The following FRMD6 variants were observed in gnomAD, a reference collection of about 807,000 sequenced individuals.
The protein encoded by FRMD6 is FERM domain containing 6.
A neutral mutation model predicts 73.2 loss-of-function variants in FRMD6; 37 were observed. That is an observed-to-expected ratio of 0.51 (90% confidence interval 0.39 to 0.66). The LOEUF (loss-of-function observed/expected upper bound fraction) is 0.66, where lower values mean the gene tolerates loss of function less well. Ranked by LOEUF, FRMD6 falls within the 30% of genes least tolerant of loss-of-function variation. The pLI is 0.00. For synonymous variants in FRMD6, 273 were observed against 282.2 expected, an observed-to-expected ratio of 0.97 and a Z score of 0.33; for missense variants, 714 against 780.5, an observed-to-expected ratio of 0.91 and a Z score of 1.02.
At chr14:51,460,828 A>G in the FRMD6 span, among the ~76,000 whole-genome samples, 1 of 152,216 alleles carries the variant, frequency 6.6e-6, no homozygotes, top group African/African-American at 2.4e-5. Context: ...TAAGCATTTT[A>G]AAACTGTGGT....
the FRMD6 span, among the ~76,000 whole-genome samples, chr14:51,418,525 C>T: frequency 1.3e-5 from 2 of 152,198 alleles, no homozygotes; most frequent in South Asian, 2.1e-4. Flanking sequence ...GCAAGTATTG[C>T]TGCCTGATCC....
the FRMD6 span, among the ~76,000 whole-genome samples, chr14:51,464,869 G>A: frequency 6.6e-6 from 1 of 152,094 alleles, no homozygotes; most frequent in Non-Finnish European, 1.5e-5. Context: ...GCTCTGTAGG[G>A]GAACGGACAA....
intron 2 of FRMD6, among the ~76,000 whole-genome samples, chr14:51,614,520 G>A (rs1890635756): frequency 6.6e-6 from 1 of 151,900 alleles, no homozygotes; most frequent in African/African-American, 2.4e-5. Flanking sequence ...TTTTCTGGGT[G>A]GATAATTTTA....
intron 1 of FRMD6, among the ~76,000 whole-genome samples, chr14:51,567,152 G>A (rs937342565): frequency 4.1e-4 from 62 of 152,300 alleles, no homozygotes; most frequent in African/African-American, 1.2e-3. Flanking sequence ...ATGCAGAAAC[G>A]TAGGCCAGGT....
chr14:51,513,909 G>C (rs1596522437), intron 1 of FRMD6, among the ~76,000 whole-genome samples: 1 of 152,362 alleles, frequency 6.6e-6, no homozygotes, highest in East Asian at 1.9e-4. Context: ...AGCTTAGACT[G>C]TTGGAGCATT....
At chr14:51,586,301 T>C (rs924173740) in intron 2 of FRMD6, among the ~76,000 whole-genome samples, 1 of 152,158 alleles carries the variant, frequency 6.6e-6, no homozygotes, top group Non-Finnish European at 1.5e-5. Flanking sequence ...TGATACCTCA[T>C]TGTGGTTTCA....
Position 51,720,148 on chromosome 14 carries a change from C to A in FRMD6, c.1118C>A (p.Ala373Glu). The change falls in exon 11 of 14, where the codon GCG becomes GAG. Residue 373 changes from alanine (A) to glutamate (E), a missense_variant. Coordinates refer to ENST00000344768, the MANE Select transcript of FRMD6 (RefSeq NM_001267046.2). ...EKRSRASGSS[A>E]GSMKHKRLSR... ...CGGTCGCGGGCCAGCGGGAGCAGTG[C>A]GGGCAGCATGAAACACAAGCGCCTG... 6.2e-7 allele frequency: 1 copy of A among 1,613,884 alleles called. No homozygotes were observed.
intron 5 of FRMD6, among the ~76,000 whole-genome samples, chr14:51,704,352 TC>T (rs1896500855): frequency 6.6e-6 from 1 of 152,132 alleles, no homozygotes; most frequent in Non-Finnish European, 1.5e-5. Context: ...CTCAGATTTT[TC>T]CTTATTTATG....
intron 2 of FRMD6, among the ~76,000 whole-genome samples, chr14:51,621,651 C>G (rs550670858): frequency 6.6e-6 from 1 of 152,122 alleles, no homozygotes; most frequent in Non-Finnish European, 1.5e-5. Context: ...CTGTACACAC[C>G]AACGACTAAT....
At chr14:51,659,030 G>A (rs965130976) in intron 1 of FRMD6, among the ~76,000 whole-genome samples, 2 of 152,166 alleles carry the variant, frequency 1.3e-5, no homozygotes, top group Non-Finnish European at 2.9e-5. Flanking sequence ...AGTTGCTCAT[G>A]AAATTACTAC....
At chr14:51,431,392 A>G in the FRMD6 span, among the ~76,000 whole-genome samples, 7 of 152,312 alleles carry the variant, frequency 4.6e-5, no homozygotes, top group East Asian at 1.2e-3. Flanking sequence ...AACTCATTCT[A>G]TCTCTCCTAA....
chr14:51,431,948 A>G, the FRMD6 span, among the ~76,000 whole-genome samples: 40,774 of 152,062 alleles, frequency 0.27, 5,783 homozygotes, highest in Middle Eastern at 0.36. Context: ...TGAGCTAAAT[A>G]AGGCTTGTAC....
chr14:51,704,028 C>G (rs2140465009), intron 5 of FRMD6, among the ~76,000 whole-genome samples: 1 of 152,152 alleles, frequency 6.6e-6, no homozygotes, highest in South Asian at 2.1e-4. Flanking sequence ...TTTCTGATCT[C>G]AAGAGATTGT....
intron 3 of FRMD6, among the ~76,000 whole-genome samples, chr14:51,700,577 G>A (rs1896247065): frequency 6.6e-6 from 1 of 152,046 alleles, no homozygotes; most frequent in African/African-American, 2.4e-5. Context: ...CAAAATGTGG[G>A]TCAGACTTCT....
the FRMD6 span, among the ~76,000 whole-genome samples, chr14:51,403,364 A>G: frequency 6.6e-6 from 1 of 152,054 alleles, no homozygotes; most frequent in Non-Finnish European, 1.5e-5. Flanking sequence ...AACTTTGTAC[A>G]AATAGAATCA....
chr14:51,524,891 G>T (rs115520482), intron 1 of FRMD6, among the ~76,000 whole-genome samples: 72 of 152,042 alleles, frequency 4.7e-4, no homozygotes, highest in African/African-American at 1.7e-3. Context: ...AAGCCTTTAG[G>T]CCAAATTTAC....
rs973477299 is a variant in FRMD6 at position 51,728,958 on chromosome 14, A to G, written c.*929A>G. The G allele has an allele frequency of 1.3e-5, 2 of 152,198 alleles. No homozygotes were observed. Among genetic ancestry groups the G allele is most frequent in the African/African-American group, 4.8e-5 (2 of 41,450 alleles). The allele number at this position is 152,198 out of a possible 1,614,324, so 9.4% of individuals were successfully genotyped here. On this transcript the variant is annotated 3_prime_UTR_variant, in exon 14 of 14. Transcript: ENST00000344768. ...AATACATGGGATTGTGTATGTCTAT[A>G]TGTGTTTAAAGCTTACTATGTCTTC...
At chr14:51,459,983 A>G in the FRMD6 span, among the ~76,000 whole-genome samples, 1 of 148,940 alleles carries the variant, frequency 6.7e-6, no homozygotes, top group Non-Finnish European at 1.5e-5. Flanking sequence ...GTAAAACGGT[A>G]CTCTTTATTT....
At chr14:51,413,953 T>C in the FRMD6 span, among the ~76,000 whole-genome samples, 3 of 152,252 alleles carry the variant, frequency 2.0e-5, no homozygotes, top group Admixed American at 6.5e-5. Context: ...TGCATAAATG[T>C]CTTCTTTTGA....
Sources: allele counts gnomAD v4.1 joint callset (sites outside exome capture counted in the v4.1 genomes callset), GRCh38; gene constraint gnomAD v4.1.1; transcripts MANE v1.5; gene names NCBI Gene and HGNC (gene_info 2026-07-23, HGNC 2026-07-21).